The following ZNF365 variants were observed in gnomAD, a reference collection of about 807,000 sequenced individuals.
The protein encoded by ZNF365 is zinc finger protein 365.
ZNF365 carries 22 observed loss-of-function variants against 35.0 expected under a neutral mutation model. The ratio of observed to expected loss-of-function variants is 0.63; its 90% confidence interval spans 0.45 to 0.90. The LOEUF (loss-of-function observed/expected upper bound fraction) is 0.90. Among genes scored for constraint, ZNF365 ranks in the 40% least tolerant of loss-of-function variants. The probability of loss-of-function intolerance (pLI) is 0.00; values close to 1 mark genes in which losing one functional copy is unlikely to be tolerated. For missense variants in ZNF365, 448 were observed against 500.3 expected (o/e 0.90, Z 1.00); for synonymous variants, 188 against 196.2 (o/e 0.96, Z 0.35).
At chr10:62,411,071 T>C (rs1839977827) in intron 3 of ZNF365, among the ~76,000 whole-genome samples, 1 of 152,218 alleles carries the variant, frequency 6.6e-6, no homozygotes, top group South Asian at 2.1e-4. Context: ...TGCATAAATG[T>C]CTTCTTTTGA....
At chr10:62,387,744 A>G (rs1839547886) in intron 2 of ZNF365, among the ~76,000 whole-genome samples, 1 of 152,280 alleles carries the variant, frequency 6.6e-6, no homozygotes, top group Non-Finnish European at 1.5e-5. Context: ...CTGTTGGACA[A>G]GATGACTCAT....
chr10:62,445,460 T>C (rs1170749339), intron 3 of ZNF365, among the ~76,000 whole-genome samples: 4 of 152,138 alleles, frequency 2.6e-5, no homozygotes, highest in Non-Finnish European at 5.9e-5. Context: ...TTTTTAATGA[T>C]TGCCATTCTA....
At chr10:62,390,163 A>G (rs954269512) in intron 3 of ZNF365, among the ~76,000 whole-genome samples, 11 of 152,134 alleles carry the variant, frequency 7.2e-5, no homozygotes, top group African/African-American at 2.7e-4. Context: ...TGGGCAAGAT[A>G]GTTAGTCTTC....
chr10:62,424,589 A>G lies in ZNF365; in HGVS notation c.925-35152A>G, dbSNP rs375874022. 4.6e-5 allele frequency among the ~76,000 whole-genome samples: 7 copies of G among 152,326 alleles called. No homozygotes were observed. In the South Asian group the frequency reaches 1.0e-3, roughly 23 times the overall value. ...CAATGAGAGTTTTAAAAATTCTTGC[A>G]TGCTGTCTTCACTGATTTGGATTCC... On this transcript the variant is annotated intron_variant, in intron 3 of 4. Coordinates refer to the ZNF365 transcript ENST00000395255.
At chr10:62,440,101 T>G (rs1470962815) in intron 3 of ZNF365, among the ~76,000 whole-genome samples, 3 of 152,204 alleles carry the variant, frequency 2.0e-5, no homozygotes, top group Non-Finnish European at 4.4e-5. Flanking sequence ...AAAATGCACG[T>G]ATGTCAGAGG....
intron 4 of ZNF365, 90 bp downstream of exon 4, chr10:62,398,867 A>G (rs1320328456): frequency 3.2e-6 from 4 of 1,249,114 alleles, no homozygotes; most frequent in African/African-American, 3.1e-5. Flanking sequence ...TATCTATTTT[A>G]TATGATATCT....
At chr10:62,437,193 G>T (rs2132461440) in intron 3 of ZNF365, among the ~76,000 whole-genome samples, 1 of 152,292 alleles carries the variant, frequency 6.6e-6, no homozygotes, top group South Asian at 2.1e-4. Context: ...AAATAGGATT[G>T]GGTGGAGGCA....
chr10:62,391,608 G>A (rs1839630562), intron 3 of ZNF365, among the ~76,000 whole-genome samples: 1 of 152,240 alleles, frequency 6.6e-6, no homozygotes, highest in Non-Finnish European at 1.5e-5. Context: ...GTATTCCACG[G>A]TATATATAAA....
In ZNF365 at chr10:62,463,175, C is replaced by A. The variant is rs868544029; in HGVS notation, c.981+3378C>A. 6.6e-5 allele frequency among the ~76,000 whole-genome samples: 10 copies of A among 152,354 alleles called. No homozygotes were observed. The South Asian group carries it at 1.7e-3, about 25-fold the overall frequency. ...TTATTAGGCTCAAGATGAGCTCCTG[C>A]GTGCAAAGCTCTCAACAGCTAGAAA... is the stretch of plus-strand genomic sequence containing the variant. On this transcript the variant is annotated intron_variant, in intron 4 of 4. Coordinates refer to the ZNF365 transcript ENST00000395255.
intron 4 of ZNF365, chr10:62,479,740 G>A: frequency 3.1e-6 from 2 of 654,104 alleles, no homozygotes; most frequent in Non-Finnish European, 2.8e-6. Context: ...TAGTTTGGCA[G>A]CACATAAGTG....
intron 2 of ZNF365, among the ~76,000 whole-genome samples, chr10:62,377,843 G>A (rs911835641): frequency 6.6e-6 from 1 of 152,126 alleles, no homozygotes; most frequent in Non-Finnish European, 1.5e-5. Flanking sequence ...CATCCTAAAA[G>A]GTAGGTTTCC....
chr10:62,412,727 C>A (rs1457883659), intron 3 of ZNF365, among the ~76,000 whole-genome samples: 1 of 152,080 alleles, frequency 6.6e-6, no homozygotes, highest in Non-Finnish European at 1.5e-5. Context: ...AGTGAAGGAC[C>A]TCTTCAAGGA....
At chr10:62,452,925 T>C (rs932769309) in intron 3 of ZNF365, among the ~76,000 whole-genome samples, 2 of 152,240 alleles carry the variant, frequency 1.3e-5, no homozygotes, top group African/African-American at 2.4e-5. Context: ...ATAAATATAT[T>C]CTTTGCTGTG....
At chr10:62,396,914 G>T (rs956374063) in intron 3 of ZNF365, among the ~76,000 whole-genome samples, 6 of 152,152 alleles carry the variant, frequency 3.9e-5, no homozygotes, top group Non-Finnish European at 8.8e-5. Context: ...AAGGAGAAAA[G>T]ATTTAAAGGA....
At chr10:62,386,282 C>T (rs1839525078) in intron 2 of ZNF365, among the ~76,000 whole-genome samples, 1 of 152,024 alleles carries the variant, frequency 6.6e-6, no homozygotes. Flanking sequence ...TAATGAAGAC[C>T]TTGAAAAGTA....
intron 2 of ZNF365, among the ~76,000 whole-genome samples, chr10:62,382,432 G>A (rs1015915558): frequency 8.5e-5 from 13 of 152,150 alleles, no homozygotes; most frequent in Non-Finnish European, 1.6e-4. Context: ...AATAAATGAC[G>A]TGTCAAGCAT....
chr10:62,434,672 T>C (rs1251220636), intron 3 of ZNF365, among the ~76,000 whole-genome samples: 1 of 152,124 alleles, frequency 6.6e-6, no homozygotes, highest in African/African-American at 2.4e-5. Flanking sequence ...GACAGTGAAA[T>C]AGGACATTTC....
intron 4 of ZNF365, among the ~76,000 whole-genome samples, chr10:62,477,248 C>T (rs77914174): frequency 0.013 from 2,026 of 152,138 alleles, 20 homozygotes; most frequent in East Asian, 0.048. Context: ...AGAAAGAGAA[C>T]ACTAACTTAA....
At chr10:62,417,511 C>T (rs1209218297) in intron 3 of ZNF365, among the ~76,000 whole-genome samples, 1 of 152,028 alleles carries the variant, frequency 6.6e-6, no homozygotes, top group Non-Finnish European at 1.5e-5. Context: ...TGAAAATCAG[C>T]TCATCTAAAT....
Sources: allele counts gnomAD v4.1 joint callset (sites outside exome capture counted in the v4.1 genomes callset), GRCh38; gene constraint gnomAD v4.1.1; transcripts MANE v1.5; gene names NCBI Gene and HGNC (gene_info 2026-07-23, HGNC 2026-07-21).